SLC16A12: variants seen among roughly 807,000 people sequenced by gnomAD.
SLC16A12 encodes the protein monocarboxylate transporter 12.
SLC16A12 carries 17 observed loss-of-function variants against 42.4 expected under a neutral mutation model. That is an observed-to-expected ratio of 0.40 (90% confidence interval 0.27 to 0.60). SLC16A12 has a LOEUF of 0.60. Ranked by LOEUF, SLC16A12 falls within the 20% of genes least tolerant of loss-of-function variation. The pLI is 0.42. For missense variants in SLC16A12, 544 were observed against 623.0 expected, an observed-to-expected ratio of 0.87 and a Z score of 1.35; for synonymous variants, 224 against 229.4, an observed-to-expected ratio of 0.98 and a Z score of 0.21.
At chr10:89,503,006 TAATAAGTACCTTGTCAAAACAGAC>T (rs1843010333) in intron 2 of SLC16A12, among the ~76,000 whole-genome samples, 1 of 152,206 alleles carries the variant, frequency 6.6e-6, no homozygotes, top group Non-Finnish European at 1.5e-5. Context: ...TCCTATTTGG[TAATAAGTACCTTGTCAAAACAGAC>T]AAGCACTTAG....
chr10:89,517,931 T>C (rs1843282395), intron 2 of SLC16A12, among the ~76,000 whole-genome samples: 1 of 152,056 alleles, frequency 6.6e-6, no homozygotes, highest in African/African-American at 2.4e-5. Context: ...AAGATGCCAA[T>C]CACATCTTAT....
intron 3 of SLC16A12, among the ~76,000 whole-genome samples, chr10:89,451,136 G>A (rs984358557): frequency 6.6e-6 from 1 of 152,208 alleles, no homozygotes; most frequent in African/African-American, 2.4e-5. Context: ...GCTTGGGGAT[G>A]AGATAAGAGG....
intron 2 of SLC16A12, among the ~76,000 whole-genome samples, chr10:89,463,256 T>C (rs1842332776): frequency 6.6e-6 from 1 of 152,212 alleles, no homozygotes; most frequent in African/African-American, 2.4e-5. Context: ...TTATACGGAA[T>C]GAGTCTGACA....
At chr10:89,487,021 C>G (rs1399975514) in intron 2 of SLC16A12, among the ~76,000 whole-genome samples, 1 of 152,192 alleles carries the variant, frequency 6.6e-6, no homozygotes, top group Non-Finnish European at 1.5e-5. Flanking sequence ...AACATACACC[C>G]TTTCACTTCC....
chr10:89,548,731 G>T (rs78825141), intron 2 of SLC16A12, among the ~76,000 whole-genome samples: 1 of 152,152 alleles, frequency 6.6e-6, no homozygotes, highest in African/African-American at 2.4e-5. Context: ...CAGGAGAATC[G>T]CTTGAATCCG....
chr10:89,531,027 G>A (rs555255018), intron 2 of SLC16A12, among the ~76,000 whole-genome samples: 1 of 151,918 alleles, frequency 6.6e-6, no homozygotes, highest in African/African-American at 2.4e-5. Context: ...TACTTTTATG[G>A]GTCCATATAG....
chr10:89,512,300 C>T (rs1363782995), intron 2 of SLC16A12, among the ~76,000 whole-genome samples: 1 of 152,178 alleles, frequency 6.6e-6, no homozygotes, highest in Admixed American at 6.5e-5. Context: ...GGTCTCTGCG[C>T]TCCCCATCAT....
rs1841955957 is a variant in SLC16A12 at position 89,443,875 on chromosome 10, C to T, written c.201-16G>A. ...TGAGATACATCTGAAAAATACAATG[C>T]AGGCATTTTATACAAAAAATGAATG... On this transcript the variant is annotated splice_polypyrimidine_tract_variant and intron_variant, in intron 3 of 7. Coordinates refer to ENST00000371790, the MANE Select transcript of SLC16A12 (RefSeq NM_213606.4). The T allele has an allele frequency of 2.0e-6, 3 of 1,521,296 alleles. No homozygotes were observed. The highest frequency in any genetic ancestry group is 1.8e-6 in the Non-Finnish European group (2 of 1,095,708). The allele number at this position is 1,521,296 out of a possible 1,614,324, so 94.2% of individuals were successfully genotyped here. A position where few individuals can be genotyped will look rare whatever the true frequency, so the allele number is the denominator to read the frequency against.
chr10:89,530,691 T>G (rs1478877198), intron 2 of SLC16A12, among the ~76,000 whole-genome samples: 1 of 152,106 alleles, frequency 6.6e-6, no homozygotes, highest in Non-Finnish European at 1.5e-5. Flanking sequence ...AGTGCTGGGA[T>G]TACAGGTGTG....
chr10:89,485,244 C>A (rs1444315392), intron 2 of SLC16A12, among the ~76,000 whole-genome samples: 2 of 152,202 alleles, frequency 1.3e-5, no homozygotes, highest in African/African-American at 4.8e-5. Context: ...AGGGATGCTG[C>A]TGAACATTCC....
intron 2 of SLC16A12, among the ~76,000 whole-genome samples, chr10:89,503,195 C>T (rs974575644): frequency 6.6e-6 from 1 of 152,160 alleles, no homozygotes; most frequent in Non-Finnish European, 1.5e-5. Flanking sequence ...TGACTCCTAC[C>T]TTTTCTTTTT....
intron 2 of SLC16A12, among the ~76,000 whole-genome samples, chr10:89,533,039 C>T (rs1215714521): frequency 6.6e-6 from 1 of 152,192 alleles, no homozygotes; most frequent in Non-Finnish European, 1.5e-5. Flanking sequence ...ATTTCATTGA[C>T]TCCAAATGAA....
chr10:89,540,379 G>A (rs113858750), upstream of SLC16A12, among the ~76,000 whole-genome samples: 9,187 of 152,184 alleles, frequency 0.06, 922 homozygotes, highest in African/African-American at 0.21. Flanking sequence ...GACCACAGCC[G>A]TGAGCCACCA....
intron 3 of SLC16A12, among the ~76,000 whole-genome samples, chr10:89,448,225 G>T (rs1042129186): frequency 1.3e-5 from 2 of 152,100 alleles, no homozygotes; most frequent in African/African-American, 4.8e-5. Context: ...TTCCAATCAG[G>T]AGAATAACAG....
chr10:89,508,522 A>G (rs1843106131), intron 2 of SLC16A12, among the ~76,000 whole-genome samples: 1 of 152,234 alleles, frequency 6.6e-6, no homozygotes, highest in African/African-American at 2.4e-5. Flanking sequence ...ATGTTCTTTG[A>G]AACCAATGAG....
intron 3 of SLC16A12, among the ~76,000 whole-genome samples, chr10:89,458,056 A>G (rs1589674805): frequency 6.6e-6 from 1 of 152,168 alleles, no homozygotes; most frequent in Admixed American, 6.5e-5. Flanking sequence ...TGTAGATAGG[A>G]GCATAACATA....
At chr10:89,555,698 C>CATATATATATAT (rs57404736) in intron 2 of SLC16A12, among the ~76,000 whole-genome samples, 1 of 124,658 alleles carries the variant, frequency 8.0e-6, no homozygotes, top group African/African-American at 3.0e-5. Flanking sequence ...CACATATATA[C>CATATATATATAT]ATATATATAT....
chr10:89,520,478 A>G (rs1397510154), intron 2 of SLC16A12, among the ~76,000 whole-genome samples: 1 of 152,204 alleles, frequency 6.6e-6, no homozygotes, highest in East Asian at 1.9e-4. Flanking sequence ...TACATATACT[A>G]GAACTCAATA....
intron 2 of SLC16A12, among the ~76,000 whole-genome samples, chr10:89,465,487 C>A (rs1175093486): frequency 6.6e-6 from 1 of 152,150 alleles, no homozygotes; most frequent in Non-Finnish European, 1.5e-5. Flanking sequence ...GCAAAACTAA[C>A]CCTCTAAAGG....
Sources: gnomAD v4.1 joint callset for allele counts (sites outside exome capture counted in the v4.1 genomes callset) on GRCh38, gnomAD v4.1.1 for gene constraint, MANE v1.5 for transcripts, NCBI Gene and HGNC (gene_info 2026-07-23, HGNC 2026-07-21) for gene names.